Variants in GCA observed in about 807,000 individuals in gnomAD.
GCA encodes the protein grancalcin, EF-hand calcium-binding protein.
Under a neutral mutation model 32.6 loss-of-function variants are expected in GCA, and 30 were observed. That is an observed-to-expected ratio of 0.92 (90% CI 0.69 to 1.25). The LOEUF (loss-of-function observed/expected upper bound fraction) is 1.25. GCA is among the 50% of genes most tolerant of loss of function. The pLI is 0.00. For missense variants in GCA, 291 were observed against 266.8 expected, an observed-to-expected ratio of 1.09 and a Z score of -0.63; for synonymous variants, 102 against 84.6, an observed-to-expected ratio of 1.21 and a Z score of -1.13.
intron 1 of GCA, among the ~76,000 whole-genome samples, chr2:162,325,970 T>C (rs1035440248): frequency 4.6e-5 from 7 of 152,072 alleles, no homozygotes; most frequent in African/African-American, 7.3e-5. Flanking sequence ...AAGACGGGTT[T>C]GTTTAGGGTG....
At chr2:162,353,387 GA>G (rs1431619213) in intron 3 of GCA, among the ~76,000 whole-genome samples, 1 of 152,152 alleles carries the variant, frequency 6.6e-6, no homozygotes, top group Non-Finnish European at 1.5e-5. Flanking sequence ...AGAATTACTT[GA>G]ACCCAGGAGG....
intron 1 of GCA, among the ~76,000 whole-genome samples, chr2:162,328,501 C>G (rs1221146370): frequency 6.6e-6 from 1 of 152,174 alleles, no homozygotes; most frequent in Non-Finnish European, 1.5e-5. Context: ...CTTCTAAGAT[C>G]CCGGGTGAGC....
At position 162,360,767 on chromosome 2, in the gene GCA, TTGTC is replaced by T. The variant is rs1293318524; in HGVS notation, c.*528_*531del. The T allele has an allele frequency of 2.2e-6, 3 of 1,378,400 alleles. No individual in the cohort carries two copies. In the African/African-American group the frequency reaches 4.5e-5, roughly 21 times the overall value. 85.4% of individuals were successfully genotyped at this position (1,378,400 alleles called of 1,614,324 possible). A position where few individuals can be genotyped will look rare whatever the true frequency, so the allele number is the denominator to read the frequency against. On this transcript the variant is annotated 3_prime_UTR_variant, in exon 8 of 8. Transcript: ENST00000437150. Reference sequence around the variant, plus strand: ...TCAGAGAAAAGAAACTTAAAGATCTTTGTCTGTGAAGAAGAAAATTATCTCCCTA... The same window carrying T: ...TCAGAGAAAAGAAACTTAAAGATCTTTGTGAAGAAGAAAATTATCTCCCTA...
At chr2:162,328,160 C>T (rs897008061) in intron 1 of GCA, among the ~76,000 whole-genome samples, 2 of 147,112 alleles carry the variant, frequency 1.4e-5, no homozygotes, top group African/African-American at 2.5e-5. Flanking sequence ...GTGAGTGGAT[C>T]ACCTGAAGTC....
At chr2:162,346,949 A>G (rs1684739847) in intron 1 of GCA, among the ~76,000 whole-genome samples, 1 of 152,206 alleles carries the variant, frequency 6.6e-6, no homozygotes, top group Admixed American at 6.5e-5. Context: ...CTGAAAAGAA[A>G]CAAGTGGGAG....
In GCA at chr2:162,344,218, G is replaced by A. The variant is rs1217231456; in HGVS notation, c.-31G>A. On this transcript the variant is annotated 5_prime_UTR_variant, in exon 1 of 8. Coordinates refer to ENST00000437150, the MANE Select transcript of GCA (RefSeq NM_012198.5). ...CCCAGCACTGCGGACGCGACTCGAG[G>A]GTGACGCTCGCTCCGCTCGTCCCGC... is the stretch of plus-strand genomic sequence containing the variant. The A allele has an allele frequency of 1.9e-6, 3 of 1,613,622 alleles. No homozygotes were observed. Among genetic ancestry groups the A allele is most frequent in the Non-Finnish European group, 2.5e-6 (3 of 1,179,806 alleles).
Position 162,347,613 on chromosome 2 carries a change from G to A in GCA, c.63G>A (p.Gln21=). The A allele has an allele frequency of 6.2e-7, 1 of 1,609,428 alleles. No individual in the cohort carries two copies. The highest frequency in any genetic ancestry group is 8.5e-7 in the Non-Finnish European group (1 of 1,177,006). The change falls in exon 2 of 8, where the codon CAG becomes CAA. Residue 21 remains glutamine (Q), a synonymous_variant. Coordinates refer to ENST00000437150, the MANE Select transcript of GCA (RefSeq NM_012198.5). ...TTAGCATTCAGGTGCCAGGAATGCAGATGGGACAGCCAGTGCCAGAAACAG... is the reference window on the plus strand; with the variant it reads ...TTAGCATTCAGGTGCCAGGAATGCAAATGGGACAGCCAGTGCCAGAAACAG... ...GNFSIQVPGM[Q]MGQPVPETGP...
intron 4 of GCA, among the ~76,000 whole-genome samples, chr2:162,371,018 A>G (rs1685917095): frequency 6.6e-6 from 1 of 152,112 alleles, no homozygotes; most frequent in Non-Finnish European, 1.5e-5. Context: ...GTGAATCACA[A>G]GAAAGCTGTG....
Position 162,356,809 on chromosome 2 carries a change from G to A in GCA, c.358G>A (p.Ala120Thr). Residue 120 changes from alanine (A) to threonine (T), a missense_variant, in exon 5 of 8, where the codon GCT becomes ACT. Coordinates refer to ENST00000437150, the MANE Select transcript of GCA (RefSeq NM_012198.5). Reference sequence around the variant, plus strand: ...TAATGCATTCAAAGAGCTATGGGCAGCTCTTAATGCCTGGAAGGAAAACTT... The same window carrying A: ...TAATGCATTCAAAGAGCTATGGGCAACTCTTAATGCCTGGAAGGAAAACTT... Reference protein sequence around the residue: ...GFNAFKELWAALNAWKENFMT... With the variant: ...GFNAFKELWATLNAWKENFMT... The A allele has an allele frequency of 6.2e-7, 1 of 1,608,080 alleles. No individual in the cohort carries two copies. Among genetic ancestry groups the A allele is most frequent in the East Asian group, 2.2e-5 (1 of 44,822 alleles).
chr2:162,324,716 G>A (rs1683813507), intron 1 of GCA, among the ~76,000 whole-genome samples: 1 of 152,058 alleles, frequency 6.6e-6, no homozygotes, highest in Non-Finnish European at 1.5e-5. Flanking sequence ...CCTCTACCCA[G>A]CACTTCCCTT....
At chr2:162,353,793 C>G (rs1300542430) in intron 3 of GCA, among the ~76,000 whole-genome samples, 1 of 152,126 alleles carries the variant, frequency 6.6e-6, no homozygotes, top group Non-Finnish European at 1.5e-5. Flanking sequence ...CTGGAAACTC[C>G]TTTGCTTTAG....
downstream of GCA, chr2:162,373,745 A>G: frequency 5.6e-6 from 5 of 886,080 alleles, no homozygotes; most frequent in Non-Finnish European, 7.9e-6. Context: ...CAGCACTACC[A>G]AGAAACAGAA....
At chr2:162,353,881 A>G (rs1685121747) in intron 3 of GCA, among the ~76,000 whole-genome samples, 1 of 151,492 alleles carries the variant, frequency 6.6e-6, no homozygotes, top group South Asian at 2.1e-4. Context: ...TACTTTTATC[A>G]TCTTTTTCCT....
chr2:162,373,985 T>C (rs1314407913), downstream of GCA, among the ~76,000 whole-genome samples: 1 of 152,202 alleles, frequency 6.6e-6, no homozygotes, highest in Non-Finnish European at 1.5e-5. Context: ...TCAGTAATTG[T>C]CTTTGCTTTT....
chr2:162,341,773 G>A (rs1390202229), upstream of GCA, among the ~76,000 whole-genome samples: 1 of 152,166 alleles, frequency 6.6e-6, no homozygotes, highest in Non-Finnish European at 1.5e-5. Flanking sequence ...GACATACAAT[G>A]TTTAAGAAAC....
In GCA at chr2:162,356,922, T is replaced by C. The variant is rs763868778; in HGVS notation, c.454+17T>C. On this transcript the variant is annotated intron_variant, in intron 5 of 7. Coordinates refer to ENST00000437150, the MANE Select transcript of GCA (RefSeq NM_012198.5). ...GTCTTATGGGTAAGAACATTAACAT[T>C]CTTTAGAATCTATAAAGCTAATCTT... The C allele has an allele frequency of 3.2e-6, 5 of 1,547,778 alleles. No individual in the cohort carries two copies. Among genetic ancestry groups the C allele is most frequent in the Non-Finnish European group, 3.5e-6 (4 of 1,131,366 alleles).
At chr2:162,374,922 A>C (rs1298939003), downstream of GCA, among the ~76,000 whole-genome samples, 1 of 152,164 alleles carries the variant, frequency 6.6e-6, no homozygotes, top group East Asian at 1.9e-4. Flanking sequence ...TTGAGTTATC[A>C]ACTGGTTTAT....
At chr2:162,321,720 A>C (rs1683670413) in intron 1 of GCA, among the ~76,000 whole-genome samples, 1 of 151,800 alleles carries the variant, frequency 6.6e-6, no homozygotes, top group African/African-American at 2.4e-5. Flanking sequence ...ATCATGTCAG[A>C]AGTTTGTTCT....
intron 1 of GCA, among the ~76,000 whole-genome samples, chr2:162,328,702 T>A (rs981841198): frequency 6.6e-5 from 10 of 152,160 alleles, no homozygotes; most frequent in African/African-American, 2.4e-4. Flanking sequence ...TATAGATGGC[T>A]TGTGTTAACC....
Sources: gnomAD v4.1 joint callset for allele counts (sites outside exome capture counted in the v4.1 genomes callset) on GRCh38, gnomAD v4.1.1 for gene constraint, MANE v1.5 for transcripts, NCBI Gene and HGNC (gene_info 2026-07-23, HGNC 2026-07-21) for gene names.